The following ZNF519 variants were observed in gnomAD, a reference collection of about 807,000 sequenced individuals.
The protein encoded by ZNF519 is zinc finger protein 519, also known as similar to Zinc finger protein 85 (Zinc finger protein HPF4) (HTF1).
A neutral mutation model predicts 7.4 loss-of-function variants in ZNF519; 7 were observed. The ratio of observed to expected loss-of-function variants is 0.94; its 90% CI spans 0.54 to 1.77. The LOEUF (loss-of-function observed/expected upper bound fraction) is 1.77, where lower values mean the gene tolerates loss of function less well. Among genes scored for constraint, ZNF519 ranks in the 40% most tolerant of loss-of-function variants. The pLI is 0.00. For missense variants in ZNF519, 586 were observed against 623.1 expected, an observed-to-expected ratio of 0.94 and a Z score of 0.63; for synonymous variants, 179 against 203.3, an observed-to-expected ratio of 0.88 and a Z score of 1.02.
intron 2 of ZNF519, among the ~76,000 whole-genome samples, chr18:14,114,904 C>T (rs1286208969): frequency 6.6e-6 from 1 of 151,720 alleles, no homozygotes; most frequent in Non-Finnish European, 1.5e-5. Flanking sequence ...TCTCATGTAA[C>T]CCATAGATAT....
chr18:14,115,766 T>C (rs1270460855), intron 2 of ZNF519, among the ~76,000 whole-genome samples: 4 of 152,202 alleles, frequency 2.6e-5, no homozygotes, highest in African/African-American at 4.8e-5. Context: ...AATAAATACA[T>C]TTTTTAAGAC....
Position 14,105,226 on chromosome 18 carries a change from G to T in ZNF519, c.1314C>A (p.Gly438=). 5 of 1,571,526 alleles carry T rather than the reference G, an allele frequency of 3.2e-6. No homozygotes were observed. The African/African-American group carries it at 5.4e-5, about 17-fold the overall frequency. The change falls in exon 3 of 3, where the codon GGC becomes GGA. Residue 438 remains glycine, a synonymous_variant. Coordinates refer to ENST00000590202, the MANE Select transcript of ZNF519 (RefSeq NM_145287.4). The stretch of plus-strand genomic sequence containing the variant: ...GGTGTGAGCCCCTGTTAAAGGCTTT[G>T]CCACATTCTTTACATTTGAAGTGTT... The part of the protein sequence containing the change: ...GEKHFKCKEC[G]KAFNRGSHLT...
intron 3 of ZNF519, among the ~76,000 whole-genome samples, chr18:14,080,525 T>C (rs1166248330): frequency 6.6e-6 from 1 of 152,076 alleles, no homozygotes; most frequent in Non-Finnish European, 1.5e-5. Context: ...TTTCACCATG[T>C]TGGCCAGGAT....
downstream of ZNF519, among the ~76,000 whole-genome samples, chr18:14,096,099 G>T (rs1053567982): frequency 1.5e-4 from 23 of 152,216 alleles, no homozygotes; most frequent in African/African-American, 5.5e-4. Context: ...TGAGGTCAGG[G>T]GCCATGGGTT....
At chr18:14,124,824 T>C (rs1355247038) in intron 1 of ZNF519, among the ~76,000 whole-genome samples, 3 of 152,122 alleles carry the variant, frequency 2.0e-5, no homozygotes, top group Non-Finnish European at 4.4e-5. Context: ...GCGAGGAACT[T>C]AATTTAAAAA....
At chr18:14,082,475 T>C (rs1323718610) in intron 3 of ZNF519, 1 of 152,176 alleles carries the variant, frequency 6.6e-6, no homozygotes, top group Admixed American at 6.5e-5. Context: ...AGAGTTTCCC[T>C]GACTCTTGCC....
rs1598514377 is a variant in ZNF519 at position 14,102,597 on chromosome 18, C to T, written c.*2320G>A. 2 of 152,118 alleles carry T rather than the reference C, an allele frequency of 1.3e-5. No individual in the cohort carries two copies. The highest frequency in any genetic ancestry group is 6.5e-5 in the Admixed American group (1 of 15,272). The allele number at this position is 152,118 out of a possible 1,614,324, so 9.4% of individuals were successfully genotyped here. A position where few individuals can be genotyped will look rare whatever the true frequency, so the allele number is the denominator to read the frequency against. The stretch of plus-strand genomic sequence containing the variant: ...AATATATCTCTTATTTAGAGAATTA[C>T]AATTTTAAACTATCAAAGGAAATGG... On this transcript the variant is annotated 3_prime_UTR_variant, in exon 3 of 3. Transcript: ENST00000590202.
downstream of ZNF519, chr18:14,073,522 TG>T (rs1253473854): frequency 6.6e-6 from 1 of 152,186 alleles, no homozygotes; most frequent in Non-Finnish European, 1.5e-5. Flanking sequence ...CTGCCTGCCT[TG>T]GCCTCCCAAA....
chr18:14,119,424 A>C (rs956093238), intron 2 of ZNF519, among the ~76,000 whole-genome samples: 1 of 152,304 alleles, frequency 6.6e-6, no homozygotes, highest in Non-Finnish European at 1.5e-5. Context: ...CTTCTACCTT[A>C]ACATATTACT....
chr18:14,097,095 G>A (rs2143108251), downstream of ZNF519, among the ~76,000 whole-genome samples: 1 of 152,280 alleles, frequency 6.6e-6, no homozygotes, highest in Non-Finnish European at 1.5e-5. Flanking sequence ...TATACATAGT[G>A]TGTGCTCCTG....
At chr18:14,124,211 T>A (rs1598522961) in intron 2 of ZNF519, 139 bp downstream of exon 2, 1 of 733,284 alleles carries the variant, frequency 1.4e-6, no homozygotes, top group Non-Finnish European at 2.0e-6. Context: ...TTTTTTACAC[T>A]AGCAAACTCC....
intron 2 of ZNF519, chr18:14,122,623 C>G (rs2046275153): frequency 6.6e-6 from 1 of 151,764 alleles, no homozygotes; most frequent in Admixed American, 6.6e-5. Context: ...AAAAAAAATT[C>G]TTAGAAAATT....
At chr18:14,111,437 A>G (rs1308835864) in intron 2 of ZNF519, among the ~76,000 whole-genome samples, 2 of 150,712 alleles carry the variant, frequency 1.3e-5, no homozygotes, top group African/African-American at 4.9e-5. Flanking sequence ...AAGTCAGGAG[A>G]AGGAGGTTGC....
At position 14,103,929 on chromosome 18, in the gene ZNF519, A is replaced by T. The variant is rs1329894564; in HGVS notation, c.*988T>A. ...ATTAAGTTTACAGACTGAATAAAGC[A>T]TTTCAAAATCCAGTTTCCTCAATCA... is the stretch of plus-strand genomic sequence containing the variant. On this transcript the variant is annotated 3_prime_UTR_variant, in exon 3 of 3. Coordinates refer to ENST00000590202, the MANE Select transcript of ZNF519 (RefSeq NM_145287.4). 1 of 152,156 alleles carries T rather than the reference A, an allele frequency of 6.6e-6. No individual in the cohort carries two copies. 9.4% of individuals were successfully genotyped at this position (152,156 alleles called of 1,614,324 possible).
At chr18:14,079,825 T>C (rs1158753288) in intron 3 of ZNF519, among the ~76,000 whole-genome samples, 1 of 152,184 alleles carries the variant, frequency 6.6e-6, no homozygotes, top group Non-Finnish European at 1.5e-5. Flanking sequence ...ACAGGAATTA[T>C]AGATGACCCT....
At chr18:14,087,376 C>T (rs569138860) in intron 2 of ZNF519, among the ~76,000 whole-genome samples, 2 of 152,258 alleles carry the variant, frequency 1.3e-5, no homozygotes, top group African/African-American at 4.8e-5. Context: ...GGCACAGCTG[C>T]ATAGCTACTT....
chr18:14,121,874 A>C (rs1206653313), intron 2 of ZNF519: 1 of 152,228 alleles, frequency 6.6e-6, no homozygotes, highest in African/African-American at 2.4e-5. Flanking sequence ...AGATGGCTTA[A>C]TATTTGCTTA....
intron 2 of ZNF519, among the ~76,000 whole-genome samples, chr18:14,118,120 A>G (rs1358924606): frequency 6.6e-6 from 1 of 152,122 alleles, no homozygotes; most frequent in East Asian, 1.9e-4. Context: ...GTGCAGTGGC[A>G]TGGCCTCGGC....
chr18:14,095,418 G>A (rs960981632), downstream of ZNF519, among the ~76,000 whole-genome samples: 1 of 152,238 alleles, frequency 6.6e-6, no homozygotes, highest in African/African-American at 2.4e-5. Flanking sequence ...GTTGAGGAAT[G>A]GTGTTTGTGG....
Sources: gnomAD v4.1 joint callset for allele counts (sites outside exome capture counted in the v4.1 genomes callset) on GRCh38, gnomAD v4.1.1 for gene constraint, MANE v1.5 for transcripts, NCBI Gene and HGNC (gene_info 2026-07-23, HGNC 2026-07-21) for gene names.